INSL6: variants seen among roughly 807,000 people sequenced by gnomAD.
INSL6 encodes insulin like 6, also known as insulin-like peptide INSL6.
A neutral mutation model predicts 9.4 loss-of-function variants in INSL6; 16 were observed. The ratio of observed to expected loss-of-function variants is 1.70; its 90% CI spans 1.15 to 2.59. The LOEUF (loss-of-function observed/expected upper bound fraction) is 2.59. Ranked by LOEUF, INSL6 falls within the 30% of genes most tolerant of loss-of-function variation. The pLI, the probability that INSL6 is intolerant of heterozygous loss-of-function variation, is 0.00. For synonymous variants in INSL6, 154 were observed against 96.9 expected (o/e 1.59, Z -3.46); for missense variants, 391 against 257.3 (o/e 1.52, Z -3.56).
chr9:5,088,985 C>T, the INSL6 span, among the ~76,000 whole-genome samples: 2 of 152,184 alleles, frequency 1.3e-5, no homozygotes, highest in African/African-American at 2.4e-5. Context: ...CCATCCAGAT[C>T]ACTGACAGTG....
At chr9:5,031,048 C>G in the INSL6 span, among the ~76,000 whole-genome samples, 1 of 151,920 alleles carries the variant, frequency 6.6e-6, no homozygotes, top group Admixed American at 6.6e-5. Flanking sequence ...AAACAGAAGA[C>G]AGTATAGGAA....
the INSL6 span, among the ~76,000 whole-genome samples, chr9:5,036,426 C>G: frequency 6.6e-6 from 1 of 152,078 alleles, no homozygotes; most frequent in South Asian, 2.1e-4. Flanking sequence ...CAAGTCAATC[C>G]TAAGCCAAAA....
chr9:5,102,061 G>C, the INSL6 span, among the ~76,000 whole-genome samples: 2 of 152,172 alleles, frequency 1.3e-5, no homozygotes, highest in East Asian at 1.9e-4. Context: ...ACAGAAGTAG[G>C]CTTCAGAAGG....
intron 1 of INSL6, among the ~76,000 whole-genome samples, chr9:5,168,523 G>A (rs1054325085): frequency 2.0e-5 from 3 of 152,012 alleles, no homozygotes; most frequent in African/African-American, 7.2e-5. Flanking sequence ...AGGCAGACAA[G>A]ATTAGAGAAA....
At chr9:5,037,470 A>G in the INSL6 span, among the ~76,000 whole-genome samples, 20 of 152,228 alleles carry the variant, frequency 1.3e-4, no homozygotes, top group African/African-American at 4.6e-4. Context: ...ATGTCCAACA[A>G]TGATAGACTG....
chr9:5,080,935 G>T, the INSL6 span, among the ~76,000 whole-genome samples: 6 of 117,508 alleles, frequency 5.1e-5, no homozygotes, highest in African/African-American at 1.4e-4. Flanking sequence ...TTACTCTGTC[G>T]CCCAGGCTGG....
the INSL6 span, among the ~76,000 whole-genome samples, chr9:5,005,227 G>T: frequency 6.7e-6 from 1 of 150,268 alleles, no homozygotes; most frequent in South Asian, 2.1e-4. Context: ...TGGGATTACA[G>T]GGTTGAGCCA....
At chr9:5,107,377 T>C in the INSL6 span, among the ~76,000 whole-genome samples, 2 of 152,074 alleles carry the variant, frequency 1.3e-5, no homozygotes, top group Admixed American at 6.6e-5. Flanking sequence ...CCTCCCCTTT[T>C]CCATAAAATT....
downstream of INSL6, among the ~76,000 whole-genome samples, chr9:5,161,622 G>A (rs141824347): frequency 7.1e-3 from 1,079 of 152,182 alleles, 10 homozygotes; most frequent in African/African-American, 0.025. Context: ...AAGGACAACC[G>A]AATTGGAAAG....
the INSL6 span, chr9:5,112,959 T>C: frequency 2.4e-5 from 5 of 205,932 alleles, no homozygotes; most frequent in East Asian, 5.3e-4. Context: ...ACACAACTGT[T>C]GTCAGCATTG....
At chr9:5,004,789 T>C in the INSL6 span, among the ~76,000 whole-genome samples, 2 of 152,222 alleles carry the variant, frequency 1.3e-5, no homozygotes, top group Non-Finnish European at 1.5e-5. Flanking sequence ...TCACCAATGC[T>C]TGTTATCCTT....
intron 3 of INSL6, chr9:5,127,358 C>G (rs2130868501): frequency 4.3e-6 from 1 of 231,952 alleles, no homozygotes; most frequent in Admixed American, 5.6e-5. Context: ...TATCGCTGGC[C>G]AGCATTATAA....
the INSL6 span, chr9:5,078,332 T>C: frequency 6.2e-7 from 1 of 1,612,580 alleles, no homozygotes; most frequent in Admixed American, 1.7e-5. Context: ...TTCATGGGAA[T>C]GTATGTGCCA....
intron 2 of INSL6, among the ~76,000 whole-genome samples, chr9:5,156,094 A>G (rs1416438412): frequency 6.6e-6 from 1 of 152,106 alleles, no homozygotes; most frequent in Non-Finnish European, 1.5e-5. Context: ...CTTTATGCCA[A>G]TAAATATGAC....
At chr9:5,058,976 A>G in the INSL6 span, among the ~76,000 whole-genome samples, 3,099 of 152,244 alleles carry the variant, frequency 0.02, 54 homozygotes, top group South Asian at 0.068. Context: ...CCCATTCCAT[A>G]GATTGCTTTT....
the INSL6 span, among the ~76,000 whole-genome samples, chr9:5,002,163 AT>A: frequency 6.6e-6 from 1 of 151,682 alleles, no homozygotes; most frequent in Non-Finnish European, 1.5e-5. Flanking sequence ...ATTGTTTTAT[AT>A]ATTATTAATT....
At chr9:5,079,070 T>C in the INSL6 span, among the ~76,000 whole-genome samples, 8 of 152,218 alleles carry the variant, frequency 5.3e-5, no homozygotes, top group African/African-American at 1.9e-4. Flanking sequence ...TGTGCACTGA[T>C]GTGTCCTATT....
At chr9:4,992,412 A>T in the INSL6 span, among the ~76,000 whole-genome samples, 2 of 152,178 alleles carry the variant, frequency 1.3e-5, no homozygotes, top group African/African-American at 4.8e-5. Flanking sequence ...TCCAGATTTG[A>T]TGGGGGAGTG....
At chr9:5,156,953 G>T (rs1157417293) in intron 2 of INSL6, among the ~76,000 whole-genome samples, 1 of 152,052 alleles carries the variant, frequency 6.6e-6, no homozygotes, top group Non-Finnish European at 1.5e-5. Flanking sequence ...AGAGGCAGAG[G>T]TTGCAGTGAG....
Sources: gnomAD v4.1 joint callset for allele counts (sites outside exome capture counted in the v4.1 genomes callset) on GRCh38, gnomAD v4.1.1 for gene constraint, MANE v1.5 for transcripts, NCBI Gene and HGNC (gene_info 2026-07-23, HGNC 2026-07-21) for gene names.